KLHL1: variants seen among roughly 807,000 people sequenced by gnomAD.
The protein encoded by KLHL1 is kelch like family member 1.
A neutral mutation model predicts 77.7 loss-of-function variants in KLHL1; 47 were observed. That is an observed-to-expected ratio of 0.60 (90% confidence interval 0.48 to 0.77). The LOEUF is 0.77. Ranked by LOEUF, KLHL1 falls within the 30% of genes least tolerant of loss-of-function variation. The probability of loss-of-function intolerance (pLI) is 0.00; values close to 1 mark genes in which losing one functional copy is unlikely to be tolerated. For missense variants in KLHL1, 925 were observed against 910.8 expected, an observed-to-expected ratio of 1.02 and a Z score of -0.20; for synonymous variants, 360 against 325.2, an observed-to-expected ratio of 1.11 and a Z score of -1.15.
rs562786948 is a variant in KLHL1 at position 70,107,145 on chromosome 13, G to A, written c.497+58C>T. The A allele has an allele frequency of 1.8e-4, 278 of 1,529,102 alleles. 2 individuals carry two copies. The South Asian group carries it at 3.4e-3, about 19-fold the overall frequency. The allele number at this position is 1,529,102 out of a possible 1,614,324, so 94.7% of individuals were successfully genotyped here. A position where few individuals can be genotyped will look rare whatever the true frequency, so the allele number is the denominator to read the frequency against. ...AGACTTAGTAGCCACATGAGCACAC[G>A]CGGTGAAATGAGTGGAAATTGAGAG... On this transcript the variant is annotated intron_variant, in intron 1 of 10. Coordinates refer to ENST00000377844, the MANE Select transcript of KLHL1 (RefSeq NM_020866.3).
intron 1 of KLHL1, among the ~76,000 whole-genome samples, chr13:70,096,613 T>C (rs2137448792): frequency 6.6e-6 from 1 of 150,676 alleles, no homozygotes; most frequent in East Asian, 2.0e-4. Context: ...TCGAGTTCTT[T>C]GAGCTTGTCA....
chr13:69,743,860 G>A (rs1007085484), intron 7 of KLHL1, among the ~76,000 whole-genome samples: 4 of 151,122 alleles, frequency 2.6e-5, no homozygotes, highest in South Asian at 2.1e-4. Context: ...ATAAATTAGG[G>A]ATAAATAAAT....
intron 6 of KLHL1, among the ~76,000 whole-genome samples, chr13:69,809,881 A>T (rs116516303): frequency 0.012 from 1,753 of 152,232 alleles, 34 homozygotes; most frequent in African/African-American, 0.039. Context: ...AATGGAAAAA[A>T]AAAAAGCAGG....
intron 1 of KLHL1, among the ~76,000 whole-genome samples, chr13:70,038,516 T>A (rs929413427): frequency 3.3e-5 from 5 of 150,984 alleles, no homozygotes; most frequent in African/African-American, 1.2e-4. Context: ...ATTTTACATG[T>A]CCAAAAACAA....
chr13:69,989,895 T>C (rs11840763), intron 1 of KLHL1, among the ~76,000 whole-genome samples: 23,712 of 151,910 alleles, frequency 0.16, 3,920 homozygotes, highest in African/African-American at 0.42. Context: ...TATAGAATCA[T>C]GTAACTTGTA....
intron 1 of KLHL1, among the ~76,000 whole-genome samples, chr13:70,093,845 G>A (rs983324999): frequency 6.6e-6 from 1 of 152,062 alleles, no homozygotes; most frequent in African/African-American, 2.4e-5. Flanking sequence ...TAGAACTGCA[G>A]TTTTACTGTG....
intron 4 of KLHL1, among the ~76,000 whole-genome samples, chr13:69,899,411 C>T (rs1400753174): frequency 6.6e-6 from 1 of 152,198 alleles, no homozygotes; most frequent in African/African-American, 2.4e-5. Context: ...GTGGCAAGGT[C>T]ATCCTCTGCA....
At chr13:70,026,004 T>C (rs760713572) in intron 1 of KLHL1, among the ~76,000 whole-genome samples, 24 of 152,232 alleles carry the variant, frequency 1.6e-4, no homozygotes, top group Non-Finnish European at 2.9e-4. Flanking sequence ...CACATTGACC[T>C]TCCATTTGTG....
At chr13:69,717,118 G>A (rs1413836217) in intron 9 of KLHL1, among the ~76,000 whole-genome samples, 1 of 152,022 alleles carries the variant, frequency 6.6e-6, no homozygotes, top group African/African-American at 2.4e-5. Flanking sequence ...TTATATAACT[G>A]TATTTAACAC....
chr13:70,103,371 T>C (rs555864042), intron 1 of KLHL1, among the ~76,000 whole-genome samples: 2 of 152,188 alleles, frequency 1.3e-5, no homozygotes, highest in South Asian at 2.1e-4. Context: ...TTGTCATCAG[T>C]TGGCGTCCAT....
chr13:69,850,688 A>G (rs1332170340), intron 5 of KLHL1, among the ~76,000 whole-genome samples: 1 of 151,670 alleles, frequency 6.6e-6, no homozygotes, highest in Admixed American at 6.6e-5. Context: ...CTACTCCCAC[A>G]GCGTCCTAAA....
intron 1 of KLHL1, among the ~76,000 whole-genome samples, chr13:70,056,204 C>A (rs1344093981): frequency 6.6e-6 from 1 of 151,772 alleles, no homozygotes; most frequent in African/African-American, 2.4e-5. Context: ...AAACTTGTGT[C>A]AAGTAAAATA....
chr13:69,944,037 A>G (rs1883443817), intron 3 of KLHL1, among the ~76,000 whole-genome samples: 1 of 152,178 alleles, frequency 6.6e-6, no homozygotes, highest in East Asian at 1.9e-4. Flanking sequence ...AACTACTACC[A>G]TCCTCTGAAA....
At position 69,715,934 on chromosome 13, in the gene KLHL1, A is replaced by G. The variant is rs562289616; in HGVS notation, c.2015+3435T>C. Among the ~76,000 whole-genome samples, 4 of 152,260 alleles carry G rather than the reference A, an allele frequency of 2.6e-5. No homozygotes were observed. In the South Asian group the frequency reaches 8.3e-4, roughly 32 times the overall value. ...ATACTTTTCAATTAGTATTTGAACA[A>G]TTGCTTACCTCTTGAGGCCCTATCT... is the stretch of plus-strand genomic sequence containing the variant. On this transcript the variant is annotated intron_variant, in intron 9 of 10. Transcript: ENST00000377844.
At chr13:69,802,214 G>T (rs1877415621) in intron 6 of KLHL1, among the ~76,000 whole-genome samples, 2 of 152,088 alleles carry the variant, frequency 1.3e-5, no homozygotes, top group South Asian at 4.1e-4. Context: ...TTTTATGGCT[G>T]CATAGTATTC....
At chr13:69,716,944 C>T (rs973995779) in intron 9 of KLHL1, among the ~76,000 whole-genome samples, 4 of 152,090 alleles carry the variant, frequency 2.6e-5, no homozygotes, top group African/African-American at 9.7e-5. Context: ...CCAAGATGCT[C>T]TTACTAGGGT....
chr13:69,953,469 C>T (rs550217897), intron 3 of KLHL1, among the ~76,000 whole-genome samples: 75 of 150,988 alleles, frequency 5.0e-4, no homozygotes, highest in African/African-American at 1.7e-3. Context: ...TCAAAATGTC[C>T]ATGGAAAAAT....
At chr13:69,857,831 G>T (rs1053240796) in intron 5 of KLHL1, among the ~76,000 whole-genome samples, 4 of 151,294 alleles carry the variant, frequency 2.6e-5, no homozygotes, top group East Asian at 3.9e-4. Context: ...ACGTACCCTA[G>T]AACTTAAAGT....
At chr13:69,712,520 A>T (rs1446924124) in intron 9 of KLHL1, among the ~76,000 whole-genome samples, 7 of 152,068 alleles carry the variant, frequency 4.6e-5, no homozygotes, top group Non-Finnish European at 4.4e-5. Flanking sequence ...CTGAACACAA[A>T]TCTATTCCAT....
Sources: allele counts gnomAD v4.1 joint callset (sites outside exome capture counted in the v4.1 genomes callset), GRCh38; gene constraint gnomAD v4.1.1; transcripts MANE v1.5; gene names NCBI Gene and HGNC (gene_info 2026-07-23, HGNC 2026-07-21).